The following DDAH1 variants were observed in gnomAD, a reference collection of about 807,000 sequenced individuals.
The protein encoded by DDAH1 is N(G),N(G)-dimethylarginine dimethylaminohydrolase 1.
A neutral mutation model predicts 28.8 loss-of-function variants in DDAH1; 19 were observed. That is an observed-to-expected ratio of 0.66 (90% CI 0.46 to 0.97). The LOEUF is 0.97. Among genes scored for constraint, DDAH1 ranks in the 50% least tolerant of loss-of-function variants. DDAH1 has a pLI of 0.00. For synonymous variants in DDAH1, 153 were observed against 154.4 expected (o/e 0.99, Z 0.07); for missense variants, 326 against 375.9 (o/e 0.87, Z 1.10).
At chr1:85,435,098 T>C (rs1397203048) in intron 1 of DDAH1, 1 of 152,182 alleles carries the variant, frequency 6.6e-6, no homozygotes, top group Non-Finnish European at 1.5e-5. Flanking sequence ...AAAAATATAT[T>C]TGCTAACAGA....
Position 85,410,982 on chromosome 1 carries a change from C to T in DDAH1, c.304-52135G>A, listed in dbSNP as rs372263435. 5.3e-5 allele frequency among the ~76,000 whole-genome samples: 8 copies of T among 152,226 alleles called. No individual in the cohort carries two copies. The East Asian group carries it at 1.5e-3, about 29-fold the overall frequency. On this transcript the variant is annotated intron_variant, in intron 1 of 5. Transcript: ENST00000284031. ...AAGGGTAGAGTCAACCATCAAAGAA[C>T]TCGTAGGCTGTTGTAGATAGCACTG...
intron 4 of DDAH1, among the ~76,000 whole-genome samples, chr1:85,330,770 TG>T (rs1647713297): frequency 6.6e-6 from 1 of 152,208 alleles, no homozygotes; most frequent in African/African-American, 2.4e-5. Flanking sequence ...GATCAATTGG[TG>T]GTCAGCTCTG....
intron 1 of DDAH1, among the ~76,000 whole-genome samples, chr1:85,386,345 C>T (rs1651253782): frequency 6.6e-6 from 1 of 152,172 alleles, no homozygotes; most frequent in Admixed American, 6.5e-5. Flanking sequence ...TGTACAGGCA[C>T]TGGGTTAACA....
At position 85,324,853 on chromosome 1, in the gene DDAH1, C is replaced by T. The variant is rs202207743; in HGVS notation, c.628G>A (p.Asp210Asn). ...ATGTCATCAGGCACAGTGAGTTTGT[C>T]GTAGCGGTGGTCACTCATCTGTTGC... is the stretch of plus-strand genomic sequence containing the variant. ...IMQQMSDHRY[D>N]KLTVPDDIAA... The change falls in exon 5 of 6, where the codon GAC (aspartate) becomes AAC (asparagine). Residue 210 changes from aspartate to asparagine, a missense_variant. Physicochemically the swap from Asp to Asn is conservative, Grantham distance 23. Coordinates refer to ENST00000284031, the MANE Select transcript of DDAH1 (RefSeq NM_012137.4). 23 of 1,614,022 alleles carry T rather than the reference C, an allele frequency of 1.4e-5. No homozygotes were observed. In the Admixed American group the frequency reaches 1.8e-4, roughly 13 times the overall value.
chr1:85,520,718 T>C (rs2100762311), intron 1 of DDAH1, among the ~76,000 whole-genome samples: 1 of 152,316 alleles, frequency 6.6e-6, no homozygotes, highest in South Asian at 2.1e-4. Context: ...AGAAGGGACC[T>C]CATTACTGAA....
At chr1:85,406,884 T>C (rs1652431620) in intron 1 of DDAH1, among the ~76,000 whole-genome samples, 1 of 152,072 alleles carries the variant, frequency 6.6e-6, no homozygotes. Context: ...AATAAAATGC[T>C]ATATTACAAG....
chr1:85,382,948 C>T (rs141929300), intron 1 of DDAH1, among the ~76,000 whole-genome samples: 1 of 152,314 alleles, frequency 6.6e-6, no homozygotes, highest in East Asian at 1.9e-4. Flanking sequence ...AATATTACTG[C>T]TCATTGACAA....
At chr1:85,380,909 A>G (rs67611930) in intron 1 of DDAH1, among the ~76,000 whole-genome samples, 52,197 of 151,948 alleles carry the variant, frequency 0.34, 9,109 homozygotes, top group South Asian at 0.41. Context: ...CACATCTGGC[A>G]CTCTGGGTTT....
chr1:85,567,272 C>A (rs1659331257), intron 1 of DDAH1, among the ~76,000 whole-genome samples: 1 of 152,192 alleles, frequency 6.6e-6, no homozygotes, highest in Non-Finnish European at 1.5e-5. Flanking sequence ...TATGGTTTGG[C>A]TCTGTGTCCC....
chr1:85,324,600 C>T (rs1178066418), intron 5 of DDAH1, 140 bp downstream of exon 5: 2 of 925,540 alleles, frequency 2.2e-6, no homozygotes, highest in African/African-American at 1.7e-5. Context: ...TTTCCTTGTG[C>T]CCTAAATTGT....
intron 1 of DDAH1, among the ~76,000 whole-genome samples, chr1:85,544,869 C>T (rs1658574299): frequency 6.6e-6 from 1 of 152,092 alleles, no homozygotes; most frequent in African/African-American, 2.4e-5. Context: ...TTAAAATTCC[C>T]AAAGGGCCTA....
intron 2 of DDAH1, among the ~76,000 whole-genome samples, chr1:85,485,539 G>C (rs17391800): frequency 0.13 from 19,149 of 152,060 alleles, 1,294 homozygotes; most frequent in Non-Finnish European, 0.15. Context: ...AATGGCATCA[G>C]AACTAAAGTC....
chr1:85,455,942 C>A (rs968860499), intron 1 of DDAH1, among the ~76,000 whole-genome samples: 6 of 152,118 alleles, frequency 3.9e-5, no homozygotes, highest in Non-Finnish European at 7.4e-5. Context: ...AGTATAATGT[C>A]TTTGGTTGAA....
chr1:85,528,289 A>G (rs1210486412), intron 1 of DDAH1, among the ~76,000 whole-genome samples: 4 of 152,002 alleles, frequency 2.6e-5, no homozygotes, highest in Non-Finnish European at 5.9e-5. Flanking sequence ...TGGTATTTCT[A>G]TTCCATTCTA....
At chr1:85,468,461 G>C (rs138348286), upstream of DDAH1, among the ~76,000 whole-genome samples, 891 of 151,868 alleles carry the variant, frequency 5.9e-3, 7 homozygotes, top group African/African-American at 0.02. Context: ...GAAGACGAAA[G>C]AAGAGCAAAG....
chr1:85,551,882 C>T (rs1052486227), intron 1 of DDAH1, among the ~76,000 whole-genome samples: 2 of 151,828 alleles, frequency 1.3e-5, no homozygotes, highest in East Asian at 1.9e-4. Context: ...TATGGGTTGG[C>T]AAAAAAGAGA....
At chr1:85,446,586 CATCACGCCA>C (rs1654437583) in intron 1 of DDAH1, among the ~76,000 whole-genome samples, 1 of 152,152 alleles carries the variant, frequency 6.6e-6, no homozygotes, top group African/African-American at 2.4e-5. Flanking sequence ...CCTTTGGCAA[CATCACGCCA>C]AAGACATCAA....
rs528416670 is a variant in DDAH1 at position 85,573,112 on chromosome 1, G to A, written c.-123+4872C>T. On this transcript the variant is annotated intron_variant, in intron 1 of 6. Coordinates refer to the DDAH1 transcript ENST00000426972. ...AGCACTTACTATGTGCCAGGCATCA[G>A]GCTGAGCAGTAAATATGTCTTATGT... Among the ~76,000 whole-genome samples the A allele has an allele frequency of 1.6e-4, 25 of 152,320 alleles. 1 individual carries two copies. In the South Asian group the frequency reaches 4.1e-3, roughly 25 times the overall value.
At chr1:85,473,509 A>T (rs1420340627) in intron 2 of DDAH1, among the ~76,000 whole-genome samples, 5 of 151,944 alleles carry the variant, frequency 3.3e-5, no homozygotes, top group African/African-American at 9.7e-5. Context: ...ACGCACGCGC[A>T]CAGGGCTCTG....
Sources: allele counts gnomAD v4.1 joint callset (sites outside exome capture counted in the v4.1 genomes callset), GRCh38; gene constraint gnomAD v4.1.1; transcripts MANE v1.5; gene names NCBI Gene and HGNC (gene_info 2026-07-23, HGNC 2026-07-21).